Variants in ARID1B observed in about 807,000 individuals in gnomAD.
ARID1B encodes the protein AT-rich interactive domain-containing protein 1B.
Under a neutral mutation model 212.3 loss-of-function variants are expected in ARID1B, and 30 were observed. The observed-to-expected ratio is 0.14, with a 90% CI of 0.11 to 0.19. The LOEUF (loss-of-function observed/expected upper bound fraction) is 0.19. Among genes scored for constraint, ARID1B ranks in the 10% least tolerant of loss-of-function variants. The probability of loss-of-function intolerance (pLI) is 1.00; values close to 1 mark genes in which losing one functional copy is unlikely to be tolerated. For synonymous variants in ARID1B, 1,402 were observed against 1,301.7 expected, an observed-to-expected ratio of 1.08 and a Z score of -1.66; for missense variants, 2,891 against 3,204.0, an observed-to-expected ratio of 0.90 and a Z score of 2.36.
At chr6:157,027,512 A>G (rs922769945) in intron 4 of ARID1B, among the ~76,000 whole-genome samples, 20 of 152,244 alleles carry the variant, frequency 1.3e-4, no homozygotes, top group African/African-American at 4.8e-4. Context: ...TTTGGACCCA[A>G]GTGACAGAGT....
At chr6:156,779,533 GTTTC>G (rs1391512917) in intron 1 of ARID1B, 62 bp downstream of exon 1, 5 of 1,229,322 alleles carry the variant, frequency 4.1e-6, no homozygotes, top group African/African-American at 1.6e-5. Context: ...GCGAGCCTGA[GTTTC>G]TTTCTTTGCC....
intron 3 of ARID1B, among the ~76,000 whole-genome samples, chr6:156,911,832 A>G (rs1435927355): frequency 6.6e-6 from 1 of 152,196 alleles, no homozygotes; most frequent in Non-Finnish European, 1.5e-5. Flanking sequence ...GAACAGCTCA[A>G]AACCACGAGC....
chr6:157,163,810 G>A (rs1791121678), intron 8 of ARID1B, among the ~76,000 whole-genome samples: 1 of 152,262 alleles, frequency 6.6e-6, no homozygotes, highest in Non-Finnish European at 1.5e-5. Flanking sequence ...AAGGCATGGT[G>A]CAGCAGGCTG....
chr6:156,915,062 CTT>C (rs746187131), intron 3 of ARID1B, among the ~76,000 whole-genome samples: 29 of 152,068 alleles, frequency 1.9e-4, no homozygotes, highest in Non-Finnish European at 7.4e-5. Flanking sequence ...TTCAAAAAAT[CTT>C]TTTTATTTGC....
intron 4 of ARID1B, among the ~76,000 whole-genome samples, chr6:157,012,568 G>A (rs1464988570): frequency 1.3e-5 from 2 of 152,222 alleles, no homozygotes; most frequent in African/African-American, 2.4e-5. Context: ...CTAGCCAACT[G>A]TAAATAGAAG....
intron 4 of ARID1B, among the ~76,000 whole-genome samples, chr6:157,075,409 G>A (rs1303361647): frequency 6.6e-6 from 1 of 152,130 alleles, no homozygotes; most frequent in Non-Finnish European, 1.5e-5. Flanking sequence ...ATGAAAATAT[G>A]AAAATTTTCT....
chr6:157,190,499 C>A lies in ARID1B; in HGVS notation c.4231+289C>A, dbSNP rs1793283084. Among the ~76,000 whole-genome samples, 2 of 152,334 alleles carry A rather than the reference C, an allele frequency of 1.3e-5. No individual in the cohort carries two copies. Among genetic ancestry groups the A allele is most frequent in the South Asian group, 4.2e-4 (2 of 4,818 alleles). Reference sequence around the variant, plus strand: ...ACACGTGCCAAGTTACGTTCCTCATCTAGAAATTGGGAAAATAATAGGACC... The same window carrying A: ...ACACGTGCCAAGTTACGTTCCTCATATAGAAATTGGGAAAATAATAGGACC... On this transcript the variant is annotated intron_variant, in intron 15 of 19. Transcript: ENST00000636930. The surrounding 1 kb of genome is among the most constrained non-coding windows in gnomAD (Gnocchi z 4.6).
chr6:157,077,330 A>T (rs1000604702), intron 4 of ARID1B, among the ~76,000 whole-genome samples: 4 of 152,108 alleles, frequency 2.6e-5, no homozygotes, highest in South Asian at 4.2e-4. Flanking sequence ...CTCTTCTAAT[A>T]ATATTAAGAC....
At chr6:157,163,889 T>C (rs974359124) in intron 8 of ARID1B, among the ~76,000 whole-genome samples, 3 of 152,258 alleles carry the variant, frequency 2.0e-5, no homozygotes, top group Non-Finnish European at 4.4e-5. Flanking sequence ...AGAAGTGTAG[T>C]ATACCGCACT....
chr6:156,910,673 C>T (rs1190488942), intron 3 of ARID1B, among the ~76,000 whole-genome samples: 1 of 152,130 alleles, frequency 6.6e-6, no homozygotes, highest in Non-Finnish European at 1.5e-5. Flanking sequence ...TTGGGTTTTT[C>T]AATCAATAGC....
chr6:156,778,955 GGCC>G lies in ARID1B; in HGVS notation c.1278_1280del (p.Ala433del), dbSNP rs1426115393. On this transcript the variant is annotated inframe_deletion, in exon 1 of 20. Transcript: ENST00000636930. ...CAGGAGCGGGAGCTGTGGCGGCGGC[GGCC>G]GCGGCGGCGGCGGCAGCAGCAGGAG... The G allele has an allele frequency of 2.3e-6, 3 of 1,287,234 alleles. No individual in the cohort carries two copies. Among genetic ancestry groups the G allele is most frequent in the African/African-American group, 1.6e-5 (1 of 63,710 alleles). The allele number at this position is 1,287,234 out of a possible 1,614,324, so 79.7% of individuals were successfully genotyped here. A position where few individuals can be genotyped will look rare whatever the true frequency, so the allele number is the denominator to read the frequency against.
chr6:157,100,895 C>CT (rs1786007199), intron 5 of ARID1B, among the ~76,000 whole-genome samples: 1 of 152,148 alleles, frequency 6.6e-6, no homozygotes, highest in Admixed American at 6.5e-5. Context: ...AAAGGAGCAA[C>CT]TAAATACAAC....
At chr6:156,910,832 A>T (rs1258184938) in intron 3 of ARID1B, among the ~76,000 whole-genome samples, 1 of 152,196 alleles carries the variant, frequency 6.6e-6, no homozygotes, top group Non-Finnish European at 1.5e-5. Flanking sequence ...ATACCTTCTC[A>T]TTGTTTGAAT....
At chr6:157,008,795 C>G (rs189786991) in intron 4 of ARID1B, among the ~76,000 whole-genome samples, 18 of 152,190 alleles carry the variant, frequency 1.2e-4, no homozygotes, top group Non-Finnish European at 2.4e-4. Flanking sequence ...GGGTCCTTCA[C>G]TGGTCATCCT....
intron 4 of ARID1B, among the ~76,000 whole-genome samples, chr6:157,051,790 C>T (rs1334593233): frequency 2.0e-5 from 3 of 152,130 alleles, no homozygotes; most frequent in Non-Finnish European, 2.9e-5. Flanking sequence ...GCACCACACT[C>T]TTAGGTATTG....
At position 157,208,056 on chromosome 6, in the gene ARID1B, A is replaced by C; in HGVS notation, c.*165A>C. On this transcript the variant is annotated 3_prime_UTR_variant, in exon 20 of 20. Coordinates refer to ENST00000636930, the MANE Select transcript of ARID1B (RefSeq NM_001374828.1). ...GGGAATTAAAGAAATAATTAATTTG[A>C]ACAGTTATGAAATTAATATTTGCTG... is the stretch of plus-strand genomic sequence containing the variant. 6 of 715,428 alleles carry C rather than the reference A, an allele frequency of 8.4e-6. No individual in the cohort carries two copies. The highest frequency in any genetic ancestry group is 1.2e-5 in the Non-Finnish European group (6 of 498,926). The allele number at this position is 715,428 out of a possible 1,614,324, so 44.3% of individuals were successfully genotyped here.
chr6:156,990,918 T>C (rs186287091), intron 4 of ARID1B, among the ~76,000 whole-genome samples: 1 of 152,354 alleles, frequency 6.6e-6, no homozygotes, highest in African/African-American at 2.4e-5. Context: ...CCAAGATGAT[T>C]AATAATTATA....
intron 11 of ARID1B, among the ~76,000 whole-genome samples, chr6:157,177,927 G>A (rs551719631): frequency 3.3e-5 from 5 of 152,284 alleles, no homozygotes; most frequent in South Asian, 2.1e-4. Context: ...CAAAGCCAGC[G>A]TCTATGAACA....
rs538496147 is a variant in ARID1B at position 156,848,786 on chromosome 6, C to T, written c.1986+19365C>T. On this transcript the variant is annotated intron_variant, in intron 2 of 19. Transcript: ENST00000636930. ...GAGGGGAGGTGCCGGGGGGCCTTCT[C>T]TGGCTTGGTAGACCAGAAGTGTGGG... Among the ~76,000 whole-genome samples the T allele has an allele frequency of 5.9e-5, 9 of 152,338 alleles. No homozygotes were observed. The South Asian group carries it at 1.5e-3, about 25-fold the overall frequency.
Sources: gnomAD v4.1 joint callset for allele counts (sites outside exome capture counted in the v4.1 genomes callset) on GRCh38, gnomAD v4.1.1 for gene constraint, Gnocchi (gnomAD v3.1) non-coding constraint, MANE v1.5 for transcripts, NCBI Gene and HGNC (gene_info 2026-07-23, HGNC 2026-07-21) for gene names.